Variants in GRAMD1B observed in about 807,000 individuals in gnomAD.
GRAMD1B encodes protein Aster-B.
Under a neutral mutation model 99.7 loss-of-function variants are expected in GRAMD1B, and 37 were observed. That is an observed-to-expected ratio of 0.37 (90% CI 0.29 to 0.49). GRAMD1B has a LOEUF of 0.49. Among genes scored for constraint, GRAMD1B ranks in the 20% least tolerant of loss-of-function variants. The pLI, the probability that GRAMD1B is intolerant of heterozygous loss-of-function variation, is 0.98. For missense variants in GRAMD1B, 888 were observed against 1,009.2 expected (o/e 0.88, Z 1.63); for synonymous variants, 427 against 387.6 (o/e 1.10, Z -1.19).
At chr11:123,372,776 TA>T (rs1261473510) in intron 1 of GRAMD1B, among the ~76,000 whole-genome samples, 1 of 152,196 alleles carries the variant, frequency 6.6e-6, no homozygotes, top group Non-Finnish European at 1.5e-5. Flanking sequence ...GAATAGCAAA[TA>T]AAAATTAATC....
chr11:123,589,926 G>C (rs1214899530), intron 4 of GRAMD1B, among the ~76,000 whole-genome samples: 2 of 152,082 alleles, frequency 1.3e-5, no homozygotes, highest in African/African-American at 4.8e-5. Context: ...GAGAGTGAGG[G>C]AGCAGCCCCA....
At chr11:123,467,492 G>C (rs1950746764) in intron 1 of GRAMD1B, among the ~76,000 whole-genome samples, 2 of 149,376 alleles carry the variant, frequency 1.3e-5, no homozygotes, top group South Asian at 4.2e-4. Flanking sequence ...GCGCTGTCAG[G>C]CTTGAGATGC....
At chr11:123,571,617 C>T (rs1309277786) in intron 2 of GRAMD1B, among the ~76,000 whole-genome samples, 1 of 152,068 alleles carries the variant, frequency 6.6e-6, no homozygotes, top group Non-Finnish European at 1.5e-5. Context: ...AATGAATGAC[C>T]TCCGGGTCCC....
intron 1 of GRAMD1B, among the ~76,000 whole-genome samples, chr11:123,384,937 C>T (rs1056810109): frequency 6.6e-6 from 1 of 152,156 alleles, no homozygotes; most frequent in Non-Finnish European, 1.5e-5. Context: ...GGCTGTGTTT[C>T]AATAAAACTT....
At chr11:123,384,380 C>A (rs987032996) in intron 1 of GRAMD1B, among the ~76,000 whole-genome samples, 1 of 152,158 alleles carries the variant, frequency 6.6e-6, no homozygotes, top group Non-Finnish European at 1.5e-5. Context: ...CCAATTATGT[C>A]TTTCTTCTTG....
intron 17 of GRAMD1B, among the ~76,000 whole-genome samples, chr11:123,615,646 AGACAT>A (rs1954274422): frequency 6.6e-6 from 1 of 152,258 alleles, no homozygotes; most frequent in Non-Finnish European, 1.5e-5. Flanking sequence ...TGTCATTCAC[AGACAT>A]CTGGAATTTA....
chr11:123,603,418 C>T lies in GRAMD1B; in HGVS notation c.1051-8C>T, dbSNP rs1460429854. On this transcript the variant is annotated splice_region_variant and splice_polypyrimidine_tract_variant and intron_variant, in intron 8 of 19. Coordinates refer to ENST00000635736, the MANE Select transcript of GRAMD1B (RefSeq NM_001387025.1). ...GCAAGGCTCAGTCGTTCCTTTTCTC[C>T]CCTGAAGCCTCTGTGTCCCAAGGAG... is the stretch of plus-strand genomic sequence containing the variant. The T allele has an allele frequency of 6.4e-7, 1 of 1,555,806 alleles. No individual in the cohort carries two copies. The highest frequency in any genetic ancestry group is 2.2e-5 in the East Asian group (1 of 44,598).
intron 1 of GRAMD1B, among the ~76,000 whole-genome samples, chr11:123,449,672 T>C (rs1477550448): frequency 4.6e-5 from 7 of 150,760 alleles, no homozygotes; most frequent in Admixed American, 4.0e-4. Context: ...CATCCTGATC[T>C]CTTGAATAGC....
chr11:123,477,870 T>C, intron 1 of GRAMD1B, among the ~76,000 whole-genome samples: 1 of 151,856 alleles, frequency 6.6e-6, no homozygotes, highest in East Asian at 1.9e-4. Context: ...GCCTCCCTGG[T>C]TCAAGTGATT....
At chr11:123,422,819 C>T (rs954198088) in intron 1 of GRAMD1B, among the ~76,000 whole-genome samples, 1 of 152,180 alleles carries the variant, frequency 6.6e-6, no homozygotes, top group African/African-American at 2.4e-5. Flanking sequence ...TAGGTACTGT[C>T]TTCTCTGTGA....
Position 123,610,131 on chromosome 11 carries a change from G to A in GRAMD1B, c.1777-65G>A. On this transcript the variant is annotated intron_variant, in intron 13 of 19. Coordinates refer to ENST00000635736, the MANE Select transcript of GRAMD1B (RefSeq NM_001387025.1). This position sits in a 1 kb window ranked among gnomAD's most constrained non-coding sequence, Gnocchi z 4.1. The stretch of plus-strand genomic sequence containing the variant: ...GTGGGGTGGGCTTGGGGAGGCTGGA[G>A]AAGGTGCTTTTCCAAGCTTCTTGCT... 1.3e-6 allele frequency: 2 copies of A among 1,526,286 alleles called. No individual in the cohort carries two copies. The highest frequency in any genetic ancestry group is 1.8e-6 in the Non-Finnish European group (2 of 1,107,142). The allele number at this position is 1,526,286 out of a possible 1,614,324, so 94.5% of individuals were successfully genotyped here. A position where few individuals can be genotyped will look rare whatever the true frequency, so the allele number is the denominator to read the frequency against.
At chr11:123,401,223 C>T (rs376844031) in intron 1 of GRAMD1B, among the ~76,000 whole-genome samples, 5 of 149,366 alleles carry the variant, frequency 3.3e-5, no homozygotes, top group African/African-American at 1.2e-4. Context: ...GCTGTAACCC[C>T]AAATGGCACA....
At chr11:123,378,818 T>C (rs1946776808) in intron 1 of GRAMD1B, among the ~76,000 whole-genome samples, 1 of 152,238 alleles carries the variant, frequency 6.6e-6, no homozygotes, top group East Asian at 1.9e-4. Flanking sequence ...ACAGTATTTA[T>C]TTTATTTTCA....
At chr11:123,530,199 A>ATT (rs11405902) in intron 2 of GRAMD1B, among the ~76,000 whole-genome samples, 7,966 of 145,640 alleles carry the variant, frequency 0.055, 561 homozygotes, top group African/African-American at 0.17. Flanking sequence ...GGGAGGGTCC[A>ATT]TTTTTTTTTT....
In GRAMD1B at chr11:123,400,445, T is replaced by C. The variant is rs569062124; in HGVS notation, c.-176+41646T>C. On this transcript the variant is annotated intron_variant, in intron 1 of 20. Coordinates refer to the GRAMD1B transcript ENST00000638157. ...TGAGCCGAGATCGTGCCATTGCAAT[T>C]CCCCTTGGGCAACAAGAGCGAAACT... is the stretch of plus-strand genomic sequence containing the variant. Among the ~76,000 whole-genome samples, 44 of 152,158 alleles carry C rather than the reference T, an allele frequency of 2.9e-4. 1 individual carries two copies. The Middle Eastern group carries it at 0.017, about 59-fold the overall frequency.
At chr11:123,436,526 A>G (rs994466048) in intron 1 of GRAMD1B, among the ~76,000 whole-genome samples, 1 of 152,196 alleles carries the variant, frequency 6.6e-6, no homozygotes, top group Non-Finnish European at 1.5e-5. Flanking sequence ...TTGAGATCCT[A>G]TATGCAGAGC....
At chr11:123,440,827 A>G (rs370559925) in intron 1 of GRAMD1B, among the ~76,000 whole-genome samples, 2 of 152,166 alleles carry the variant, frequency 1.3e-5, no homozygotes, top group East Asian at 1.9e-4. Flanking sequence ...ACCCAATTCA[A>G]TCTCATCTTG....
intron 1 of GRAMD1B, among the ~76,000 whole-genome samples, chr11:123,388,542 C>T (rs1409403639): frequency 1.3e-5 from 2 of 152,034 alleles, no homozygotes. Flanking sequence ...GGCATGGTGG[C>T]ACATACCTGT....
At chr11:123,470,088 T>G (rs1950935511) in intron 1 of GRAMD1B, among the ~76,000 whole-genome samples, 1 of 152,136 alleles carries the variant, frequency 6.6e-6, no homozygotes, top group African/African-American at 2.4e-5. Flanking sequence ...CTTACTATGG[T>G]TCACACTGAC....
Sources: gnomAD v4.1 joint callset for allele counts (sites outside exome capture counted in the v4.1 genomes callset) on GRCh38, gnomAD v4.1.1 for gene constraint, Gnocchi (gnomAD v3.1) non-coding constraint, MANE v1.5 for transcripts, NCBI Gene and HGNC (gene_info 2026-07-23, HGNC 2026-07-21) for gene names.